Variants in ATXN7 observed in about 807,000 individuals in gnomAD.
ATXN7 encodes ataxin-7.
ATXN7 carries 12 observed loss-of-function variants against 70.5 expected under a neutral mutation model. The observed-to-expected ratio is 0.17, with a 90% CI of 0.11 to 0.28. The LOEUF is 0.28. Ranked by LOEUF, ATXN7 falls within the 10% of genes least tolerant of loss-of-function variation. ATXN7 has a pLI of 1.00. For synonymous variants in ATXN7, 498 were observed against 448.7 expected (o/e 1.11, Z -1.39); for missense variants, 1,256 against 1,131.7 (o/e 1.11, Z -1.58).
intron 5 of ATXN7, among the ~76,000 whole-genome samples, chr3:63,972,357 G>T (rs950741761): frequency 6.6e-6 from 1 of 152,158 alleles, no homozygotes; most frequent in Non-Finnish European, 1.5e-5. Flanking sequence ...GATGTTTGTG[G>T]AATGGAGCTG....
chr3:63,944,874 C>T (rs1270540213), intron 4 of ATXN7, among the ~76,000 whole-genome samples: 1 of 152,130 alleles, frequency 6.6e-6, no homozygotes, highest in Non-Finnish European at 1.5e-5. Context: ...TCACTGCAAC[C>T]TTTGCCTCCC....
intron 1 of ATXN7, among the ~76,000 whole-genome samples, chr3:63,889,123 G>A (rs1021311338): frequency 6.6e-6 from 1 of 152,062 alleles, no homozygotes; most frequent in African/African-American, 2.4e-5. Flanking sequence ...AGCTAAAGTC[G>A]AATATGCCGA....
At chr3:63,997,795 A>G in intron 12 of ATXN7, 4 of 1,486,604 alleles carry the variant, frequency 2.7e-6, no homozygotes, top group Non-Finnish European at 3.6e-6. Flanking sequence ...GTTTCTTAGT[A>G]TTTTCGTAGT....
chr3:63,936,321 G>C (rs1009040081), intron 4 of ATXN7, among the ~76,000 whole-genome samples: 10 of 152,094 alleles, frequency 6.6e-5, no homozygotes, highest in African/African-American at 2.4e-4. Context: ...ACAGCCATCT[G>C]TGCTAACATC....
intron 6 of ATXN7, 144 bp from the exon 7 acceptor site, chr3:63,982,042 A>G (rs1237597726): frequency 1.2e-5 from 13 of 1,122,542 alleles, no homozygotes; most frequent in African/African-American, 3.1e-5. Flanking sequence ...CTTACTAACA[A>G]AACTCATAAG....
intron 1 of ATXN7, among the ~76,000 whole-genome samples, chr3:63,870,231 A>T (rs1197047380): frequency 6.6e-6 from 1 of 152,164 alleles, no homozygotes; most frequent in Admixed American, 6.5e-5. Flanking sequence ...GTGTCACGTC[A>T]TATTTTATTT....
intron 1 of ATXN7, among the ~76,000 whole-genome samples, chr3:63,895,341 A>G (rs192969596): frequency 2.0e-5 from 3 of 152,364 alleles, no homozygotes; most frequent in Non-Finnish European, 2.9e-5. Flanking sequence ...GTAAAAGCCA[A>G]TATAACACTG....
At chr3:63,881,701 G>A (rs1702916801) in intron 1 of ATXN7, among the ~76,000 whole-genome samples, 1 of 152,236 alleles carries the variant, frequency 6.6e-6, no homozygotes, top group Admixed American at 6.5e-5. Flanking sequence ...TGTTGGTCGG[G>A]CTGGTCTTGA....
intron 2 of ATXN7, 38 bp from the exon 3 acceptor site, chr3:63,912,550 C>T: frequency 9.1e-7 from 1 of 1,102,800 alleles, no homozygotes. Flanking sequence ...AAACGGCCCC[C>T]GCGCGACTCT....
rs2063492144 is a variant in ATXN7, at chr3:64,001,729, A to G, written c.*2262A>G. 1 of 152,218 alleles carries G rather than the reference A, an allele frequency of 6.6e-6. No individual in the cohort carries two copies. The highest frequency in any genetic ancestry group is 6.5e-5 in the Admixed American group (1 of 15,280). The allele number at this position is 152,218 out of a possible 1,614,324, so 9.4% of individuals were successfully genotyped here. On this transcript the variant is annotated 3_prime_UTR_variant, in exon 13 of 13. Transcript: ENST00000674280. ...TTAGCCATTTTGGATTCTGTCTGCC[A>G]CAAACAGACCTATTCTAAACAGTGC...
intron 1 of ATXN7, among the ~76,000 whole-genome samples, chr3:63,886,850 ATG>A (rs1357656493): frequency 3.3e-5 from 5 of 152,228 alleles, no homozygotes; most frequent in Non-Finnish European, 5.9e-5. Flanking sequence ...TTATAAAGCC[ATG>A]ACAGTTTGTT....
chr3:63,920,802 T>TA (rs1044273349), intron 4 of ATXN7, among the ~76,000 whole-genome samples: 5 of 152,034 alleles, frequency 3.3e-5, no homozygotes, highest in African/African-American at 9.7e-5. Flanking sequence ...TTTGTGCCAT[T>TA]AAAAAAAATT....
intron 5 of ATXN7, among the ~76,000 whole-genome samples, chr3:63,974,284 A>G (rs746223807): frequency 6.6e-6 from 1 of 152,220 alleles, no homozygotes; most frequent in Non-Finnish European, 1.5e-5. Flanking sequence ...CCCACCCTGA[A>G]TATACCAAAA....
chr3:63,982,935 A>T lies in ATXN7; in HGVS notation c.1013-4A>T. 1 of 1,613,020 alleles carries T rather than the reference A, an allele frequency of 6.2e-7. No homozygotes were observed. Among genetic ancestry groups the T allele is most frequent in the Admixed American group, 1.7e-5 (1 of 59,986 alleles). ...CACATGTAATGCCTGTGTTCTTTTG[A>T]CAGAAAGAGAGTTTGATCCTGACAT... On this transcript the variant is annotated splice_region_variant and splice_polypyrimidine_tract_variant and intron_variant, in intron 7 of 12. Transcript: ENST00000674280.
In ATXN7 at chr3:63,863,931, C is replaced by G; in HGVS notation, c.-338C>G. On this transcript the variant is annotated 5_prime_UTR_variant, in exon 1 of 13. Coordinates refer to ENST00000674280, the MANE Select transcript of ATXN7 (RefSeq NM_001377405.1). The stretch of plus-strand genomic sequence containing the variant: ...CGGCGCCCGCGGCCGCCTGCTCCGA[C>G]GCCTGAGCCGCGCCGCGCCGCGCCG... 1.8e-6 allele frequency: 1 copy of G among 543,474 alleles called. No homozygotes were observed. The highest frequency in any genetic ancestry group is 2.3e-6 in the Non-Finnish European group (1 of 434,762). The allele number at this position is 543,474 out of a possible 1,614,324, so 33.7% of individuals were successfully genotyped here. A position where few individuals can be genotyped will look rare whatever the true frequency, so the allele number is the denominator to read the frequency against.
intron 1 of ATXN7, among the ~76,000 whole-genome samples, chr3:63,868,621 G>T (rs1702505026): frequency 6.6e-6 from 1 of 152,132 alleles, no homozygotes; most frequent in Non-Finnish European, 1.5e-5. Flanking sequence ...TTAGAGGAAA[G>T]TGGAAAATGA....
At chr3:63,935,645 T>C (rs2074647900) in intron 4 of ATXN7, among the ~76,000 whole-genome samples, 1 of 152,212 alleles carries the variant, frequency 6.6e-6, no homozygotes, top group Non-Finnish European at 1.5e-5. Flanking sequence ...GTCTGCACTT[T>C]CCTGTGTTGT....
intron 12 of ATXN7, chr3:63,998,532 C>CT: frequency 2.0e-6 from 2 of 985,304 alleles, no homozygotes; most frequent in African/African-American, 3.5e-5. Context: ...GACAGCCTAA[C>CT]TTTGGGCTTT....
intron 1 of ATXN7, among the ~76,000 whole-genome samples, chr3:63,885,491 G>A (rs1703060140): frequency 6.6e-6 from 1 of 152,138 alleles, no homozygotes; most frequent in Non-Finnish European, 1.5e-5. Context: ...CATTGGTAGT[G>A]GGGATGTAAA....
Sources: allele counts gnomAD v4.1 joint callset (sites outside exome capture counted in the v4.1 genomes callset), GRCh38; gene constraint gnomAD v4.1.1; transcripts MANE v1.5; gene names NCBI Gene and HGNC (gene_info 2026-07-23, HGNC 2026-07-21).